The following ZNF282 variants were observed in gnomAD, a reference collection of about 807,000 sequenced individuals.
ZNF282 encodes HTLV-I U5 repressive element-binding protein 1.
A neutral mutation model predicts 61.9 loss-of-function variants in ZNF282; 30 were observed. That is an observed-to-expected ratio of 0.48 (90% CI 0.36 to 0.66). ZNF282 has a LOEUF of 0.66. ZNF282 is among the 30% of genes least tolerant of loss of function. The pLI is 0.00. For missense variants in ZNF282, 788 were observed against 941.4 expected (o/e 0.84, Z 2.13); for synonymous variants, 396 against 405.0 (o/e 0.98, Z 0.27).
rs564919080 is a variant in ZNF282, at chr7:149,199,687, T to A, written c.585+935T>A. On this transcript the variant is annotated intron_variant, in intron 2 of 7. Coordinates refer to ENST00000610704, the MANE Select transcript of ZNF282 (RefSeq NM_003575.4). ...TTTTCCCCTTCTCTTTATTATAGAA[T>A]ATTCAAATAAAAATAGACAGAATAG... Among the ~76,000 whole-genome samples, 5 of 152,244 alleles carry A rather than the reference T, an allele frequency of 3.3e-5. No homozygotes were observed. In the South Asian group the frequency reaches 8.3e-4, roughly 25 times the overall value.
intron 5 of ZNF282, among the ~76,000 whole-genome samples, chr7:149,211,373 G>A (rs1008749255): frequency 6.6e-6 from 1 of 152,142 alleles, no homozygotes; most frequent in Non-Finnish European, 1.5e-5. Flanking sequence ...GAGCCCCAGG[G>A]AATTGCTGAT....
intron 2 of ZNF282, among the ~76,000 whole-genome samples, chr7:149,205,331 G>A (rs1225186560): frequency 1.3e-5 from 2 of 152,078 alleles, no homozygotes; most frequent in Admixed American, 6.6e-5. Flanking sequence ...CCAGCTACTC[G>A]GGAGGCTGAG....
intron 2 of ZNF282, among the ~76,000 whole-genome samples, chr7:149,203,836 T>G (rs1795951072): frequency 1.3e-5 from 2 of 152,260 alleles, no homozygotes; most frequent in Non-Finnish European, 2.9e-5. Context: ...TTCATGGAGT[T>G]GTGAGGATTA....
intron 2 of ZNF282, among the ~76,000 whole-genome samples, chr7:149,204,394 T>C (rs1303361746): frequency 6.6e-6 from 1 of 152,104 alleles, no homozygotes; most frequent in Non-Finnish European, 1.5e-5. Flanking sequence ...AAACAGAATG[T>C]GTCTCTTGGG....
chr7:149,212,226 A>ACTT, intron 5 of ZNF282, 132 bp from the exon 6 acceptor site: 2 of 600,398 alleles, frequency 3.3e-6, no homozygotes, highest in Non-Finnish European at 5.7e-6. Flanking sequence ...TTAGTTAATG[A>ACTT]GACTTATGTA....
In ZNF282 at chr7:149,224,970, G is replaced by A. The variant is rs577172585; in HGVS notation, c.*323G>A. The A allele has an allele frequency of 2.8e-6, 1 of 360,928 alleles. No individual in the cohort carries two copies. Among genetic ancestry groups the A allele is most frequent in the South Asian group, 5.1e-5 (1 of 19,798 alleles). The allele number at this position is 360,928 out of a possible 1,614,324, so 22.4% of individuals were successfully genotyped here. A position where few individuals can be genotyped will look rare whatever the true frequency, so the allele number is the denominator to read the frequency against. ...ATGGTCATCAGGGGAAGCCACCAGGGAGTCCCGAAGCCCTTCTGAGATCAG... is the reference window on the plus strand; with the variant it reads ...ATGGTCATCAGGGGAAGCCACCAGGAAGTCCCGAAGCCCTTCTGAGATCAG... On this transcript the variant is annotated 3_prime_UTR_variant, in exon 8 of 8. Transcript: ENST00000610704.
rs145289674 is a variant in ZNF282, at chr7:149,206,474, G to C, written c.586-222G>C. ...GAAATAACAATGGATGTGGCTAAAT[G>C]CTTTTTCTAAAAAGGCAGGGTTGAC... On this transcript the variant is annotated intron_variant, in intron 2 of 7. Transcript: ENST00000610704. Among the ~76,000 whole-genome samples the C allele has an allele frequency of 4.6e-5, 7 of 152,316 alleles. No homozygotes were observed. In the East Asian group the frequency reaches 1.3e-3, roughly 29 times the overall value.
Position 149,213,926 on chromosome 7 carries a change from G to T in ZNF282, c.1180+112G>T. 10 of 683,206 alleles carry T rather than the reference G, an allele frequency of 1.5e-5. 1 individual carries two copies. In the South Asian group the frequency reaches 1.9e-4, roughly 13 times the overall value. 42.3% of individuals were successfully genotyped at this position (683,206 alleles called of 1,614,324 possible). A position where few individuals can be genotyped will look rare whatever the true frequency, so the allele number is the denominator to read the frequency against. ...CTCACCCCTCGTAGGGTGATGTTCT[G>T]TTGATGGCAGCGTTTCAAAGTTCTG... On this transcript the variant is annotated intron_variant, in intron 7 of 7. Coordinates refer to ENST00000610704, the MANE Select transcript of ZNF282 (RefSeq NM_003575.4).
In ZNF282 at chr7:149,225,660, A is replaced by G. The variant is rs1302579639; in HGVS notation, c.*1013A>G. 1 of 152,820 alleles carries G rather than the reference A, an allele frequency of 6.5e-6. No homozygotes were observed. The highest frequency in any genetic ancestry group is 2.4e-5 in the African/African-American group (1 of 41,528). 9.5% of individuals were successfully genotyped at this position (152,820 alleles called of 1,614,324 possible). ...GCGAGGGAGAGGCTTTTGCTGTGAGAGTAGCCGTCACGTGTCTCTTCCCAG... is the reference window on the plus strand; with the variant it reads ...GCGAGGGAGAGGCTTTTGCTGTGAGGGTAGCCGTCACGTGTCTCTTCCCAG... On this transcript the variant is annotated 3_prime_UTR_variant, in exon 8 of 8. Coordinates refer to ENST00000610704, the MANE Select transcript of ZNF282 (RefSeq NM_003575.4).
In ZNF282 at chr7:149,224,046, CCGGGGGCGG is replaced by C. The variant is rs1158755918; in HGVS notation, c.1424_1432del (p.Gly475_Gly477del). 3.4e-6 allele frequency: 4 copies of C among 1,174,206 alleles called. No homozygotes were observed. The highest frequency in any genetic ancestry group is 3.3e-5 in the African/African-American group (2 of 61,524). 72.7% of individuals were successfully genotyped at this position (1,174,206 alleles called of 1,614,324 possible). The stretch of plus-strand genomic sequence containing the variant: ...GCGCCGCCGGGTGGGGACCGCAGCA[CCGGGGGCGG>C]CGGGGGCGATGGGGGCGGTGGGGGC... On this transcript the variant is annotated inframe_deletion, in exon 8 of 8. Transcript: ENST00000610704.
Position 149,198,616 on chromosome 7 carries a change from A to C in ZNF282, c.449A>C (p.Lys150Thr). 1 of 1,614,126 alleles carries C rather than the reference A, an allele frequency of 6.2e-7. No homozygotes were observed. Among genetic ancestry groups the C allele is most frequent in the Non-Finnish European group, 8.5e-7 (1 of 1,180,018 alleles). The change falls in exon 2 of 8, where the codon AAG (lysine) becomes ACG (threonine). Residue 150 changes from lysine to threonine, a missense_variant. Lys to Thr is a moderately conservative substitution (Grantham distance 78, BLOSUM62 -1). This residue lies in a region of ZNF282 where 92 missense variants were observed against 163.9 expected (regional missense o/e 0.56). Coordinates refer to ENST00000610704, the MANE Select transcript of ZNF282 (RefSeq NM_003575.4). This position sits in a 1 kb window ranked among gnomAD's most constrained non-coding sequence, Gnocchi z 4.3. ...GAATTTGGGAACCACATGGAGAGCAAGTGGGCCGTGCTGGGGACCCTGCTG... is the reference window on the plus strand; with the variant it reads ...GAATTTGGGAACCACATGGAGAGCACGTGGGCCGTGCTGGGGACCCTGCTG... ...AVEFGNHMES[K>T]WAVLGTLLQE...
chr7:149,196,712 T>C (rs930505664), intron 1 of ZNF282, among the ~76,000 whole-genome samples: 1 of 152,172 alleles, frequency 6.6e-6, no homozygotes, highest in Non-Finnish European at 1.5e-5. Flanking sequence ...TCTTAACTTC[T>C]ACTGTGGACT....
chr7:149,220,174 C>A (rs1390206978), intron 7 of ZNF282, among the ~76,000 whole-genome samples: 3 of 152,036 alleles, frequency 2.0e-5, no homozygotes, highest in Admixed American at 6.6e-5. Context: ...TTTGAGAGGC[C>A]GAGACGGGCG....
intron 2 of ZNF282, 167 bp from the exon 3 acceptor site, chr7:149,206,529 C>T (rs893693662): frequency 1.2e-5 from 11 of 943,604 alleles, no homozygotes; most frequent in Middle Eastern, 3.4e-4. Flanking sequence ...ATGAGAAGGT[C>T]CGGGACAGAG....
intron 7 of ZNF282, among the ~76,000 whole-genome samples, 164 bp from the exon 8 acceptor site, chr7:149,223,648 C>T (rs980014014): frequency 3.9e-5 from 6 of 152,186 alleles, no homozygotes; most frequent in Admixed American, 2.0e-4. Flanking sequence ...TGGCTTCGAA[C>T]AGGTCGAAGG....
rs1294727654 is a variant in ZNF282, at chr7:149,225,782, A to G, written c.*1135A>G. On this transcript the variant is annotated 3_prime_UTR_variant, in exon 8 of 8. Coordinates refer to ENST00000610704, the MANE Select transcript of ZNF282 (RefSeq NM_003575.4). ...TCTGTTACTGCCCGTGCTCACGGAC[A>G]TGGATACAGACCCTGCTGTGCTCCA... 3 of 152,744 alleles carry G rather than the reference A, an allele frequency of 2.0e-5. No homozygotes were observed. Among genetic ancestry groups the G allele is most frequent in the African/African-American group, 4.8e-5 (2 of 41,470 alleles). The allele number at this position is 152,744 out of a possible 1,614,324, so 9.5% of individuals were successfully genotyped here.
At chr7:149,200,409 G>A (rs1455310099) in intron 2 of ZNF282, among the ~76,000 whole-genome samples, 3 of 151,938 alleles carry the variant, frequency 2.0e-5, no homozygotes, top group African/African-American at 7.3e-5. Flanking sequence ...GTGGCTTCTG[G>A]GACACCTCTC....
intron 7 of ZNF282, among the ~76,000 whole-genome samples, chr7:149,220,612 G>A (rs984016842): frequency 1.3e-5 from 2 of 152,018 alleles, no homozygotes; most frequent in Non-Finnish European, 2.9e-5. Flanking sequence ...CCCAAGCGTC[G>A]CATCCAGACA....
In ZNF282 at chr7:149,212,418, T is replaced by G. The variant is rs1452216516; in HGVS notation, c.1013T>G (p.Val338Gly). The change falls in exon 6 of 8, where the codon GTG (valine) becomes GGG (glycine). Residue 338 changes from valine to glycine, a missense_variant. Physicochemically the swap from Val to Gly is moderately radical, Grantham distance 109. Transcript: ENST00000610704. Reference protein sequence around the residue: ...SRIKQEEHQCVWDQQDLADRD... With the variant: ...SRIKQEEHQCGWDQQDLADRD... ...ATTAAACAGGAGGAGCATCAGTGCG[T>G]GTGGGATCAGCAGGATTTGGCAGAC... is the stretch of plus-strand genomic sequence containing the variant. 6.2e-6 allele frequency: 10 copies of G among 1,613,342 alleles called. No individual in the cohort carries two copies. The highest frequency in any genetic ancestry group is 8.5e-6 in the Non-Finnish European group (10 of 1,179,782).
Sources: allele counts gnomAD v4.1 joint callset (sites outside exome capture counted in the v4.1 genomes callset), GRCh38; gene constraint gnomAD v4.1.1; regional missense constraint gnomAD v4.1.1; non-coding constraint Gnocchi (gnomAD v3.1); transcripts MANE v1.5; gene names NCBI Gene and HGNC (gene_info 2026-07-23, HGNC 2026-07-21).